MAP2K5: variants seen among roughly 807,000 people sequenced by gnomAD.
The protein encoded by MAP2K5 is dual specificity mitogen-activated protein kinase kinase 5.
In MAP2K5, 49 loss-of-function variants were observed where a neutral mutation model predicts 83.1. That is an observed-to-expected ratio of 0.59 (90% CI 0.47 to 0.75). MAP2K5 has a LOEUF of 0.75. Ranked by LOEUF, MAP2K5 falls within the 30% of genes least tolerant of loss-of-function variation. The probability of loss-of-function intolerance (pLI) is 0.00; values close to 1 mark genes in which losing one functional copy is unlikely to be tolerated. For synonymous variants in MAP2K5, 202 were observed against 191.8 expected (o/e 1.05, Z -0.44); for missense variants, 457 against 557.5 (o/e 0.82, Z 1.82).
At position 67,559,051 on chromosome 15, in the gene MAP2K5, C is replaced by T. The variant is rs2084683790; in HGVS notation, c.185-4232C>T. Among the ~76,000 whole-genome samples, 1 of 152,218 alleles carries T rather than the reference C, an allele frequency of 6.6e-6. No homozygotes were observed. Among genetic ancestry groups the T allele is most frequent in the Non-Finnish European group, 1.5e-5 (1 of 68,032 alleles). The stretch of plus-strand genomic sequence containing the variant: ...GCCATGGAAAGTACGGCCTCTGGTC[C>T]TGCCCACGTCATTAACTCCGTGCCT... On this transcript the variant is annotated intron_variant, in intron 2 of 21. Transcript: ENST00000178640. This position sits in a 1 kb window ranked among gnomAD's most constrained non-coding sequence, Gnocchi z 4.7.
intron 16 of MAP2K5, among the ~76,000 whole-genome samples, chr15:67,727,564 A>G (rs1428943565): frequency 6.6e-6 from 1 of 152,250 alleles, no homozygotes; most frequent in Non-Finnish European, 1.5e-5. Context: ...CCCATTTTAC[A>G]AGACTAAAAG....
chr15:67,604,679 G>A (rs1258066446), intron 8 of MAP2K5, among the ~76,000 whole-genome samples: 3 of 152,140 alleles, frequency 2.0e-5, no homozygotes, highest in East Asian at 1.9e-4. Flanking sequence ...GGTGGATCAC[G>A]AGGTCAAGAG....
chr15:67,784,554 C>T (rs531178528), intron 21 of MAP2K5, among the ~76,000 whole-genome samples: 1 of 152,370 alleles, frequency 6.6e-6, no homozygotes, highest in African/African-American at 2.4e-5. Context: ...TGCACACACT[C>T]TCCACCCATC....
At chr15:67,800,570 A>G (rs2141345673) in intron 21 of MAP2K5, among the ~76,000 whole-genome samples, 1 of 152,344 alleles carries the variant, frequency 6.6e-6, no homozygotes, top group Admixed American at 6.5e-5. Flanking sequence ...GAAATGTTTT[A>G]TTTTACAGTT....
In MAP2K5 at chr15:67,778,096, T is replaced by C. The variant is rs2090269431; in HGVS notation, c.1242+5344T>C. On this transcript the variant is annotated intron_variant, in intron 21 of 21. Transcript: ENST00000178640. The surrounding 1 kb of genome is among the most constrained non-coding windows in gnomAD (Gnocchi z 5.0). ...CAGCTAAGGCTTTATGTATAAGAGG[T>C]GGTAATGTTTGGGGGCTAATAAACA... Among the ~76,000 whole-genome samples, 1 of 152,098 alleles carries C rather than the reference T, an allele frequency of 6.6e-6. No homozygotes were observed. Among genetic ancestry groups the C allele is most frequent in the South Asian group, 2.1e-4 (1 of 4,824 alleles).
intron 9 of MAP2K5, among the ~76,000 whole-genome samples, chr15:67,639,955 TCTCA>T (rs924167800): frequency 1.4e-4 from 22 of 152,338 alleles, no homozygotes; most frequent in African/African-American, 4.3e-4. Flanking sequence ...ATGGTCTATC[TCTCA>T]CTCACTCATT....
intron 8 of MAP2K5, among the ~76,000 whole-genome samples, chr15:67,604,195 A>G (rs2085727762): frequency 6.6e-6 from 1 of 152,220 alleles, no homozygotes; most frequent in Admixed American, 6.5e-5. Context: ...TGTGCTCTAT[A>G]TTATGAGAGT....
At chr15:67,586,955 C>G in intron 6 of MAP2K5, 42 bp downstream of exon 6, 1 of 1,601,728 alleles carries the variant, frequency 6.2e-7, no homozygotes, top group Non-Finnish European at 8.6e-7. Context: ...TGTGATTTAT[C>G]TACAGAGTTG....
At chr15:67,579,426 A>T (rs1388583617) in intron 3 of MAP2K5, among the ~76,000 whole-genome samples, 1 of 152,212 alleles carries the variant, frequency 6.6e-6, no homozygotes, top group Non-Finnish European at 1.5e-5. Flanking sequence ...AAGGAACAGA[A>T]TCTCCTGAAA....
Position 67,801,486 on chromosome 15 carries a change from G to A in MAP2K5, c.1243-5160G>A, listed in dbSNP as rs1349509453. Among the ~76,000 whole-genome samples, 2 of 152,180 alleles carry A rather than the reference G, an allele frequency of 1.3e-5. No individual in the cohort carries two copies. The highest frequency in any genetic ancestry group is 2.9e-5 in the Non-Finnish European group (2 of 68,040). On this transcript the variant is annotated intron_variant, in intron 21 of 21. Coordinates refer to ENST00000178640, the MANE Select transcript of MAP2K5 (RefSeq NM_145160.3). The surrounding 1 kb of genome is among the most constrained non-coding windows in gnomAD (Gnocchi z 4.8). ...CCTGTGGTCCAGAGAGCCACCAAAT[G>A]TCTAGAGCAGCCACAGCTTATGGAG...
intron 16 of MAP2K5, among the ~76,000 whole-genome samples, chr15:67,712,872 C>G (rs1328309662): frequency 6.6e-6 from 1 of 151,456 alleles, no homozygotes; most frequent in Non-Finnish European, 1.5e-5. Context: ...GAGCTGAGAT[C>G]ATGCCATTGC....
At position 67,677,816 on chromosome 15, in the gene MAP2K5, G is replaced by A. The variant is rs954931270; in HGVS notation, c.847+13171G>A. 2.7e-4 allele frequency among the ~76,000 whole-genome samples: 41 copies of A among 152,242 alleles called. No homozygotes were observed. Among genetic ancestry groups the A allele is most frequent in the African/African-American group, 8.9e-4 (37 of 41,550 alleles). On this transcript the variant is annotated intron_variant, in intron 13 of 21. Coordinates refer to ENST00000178640, the MANE Select transcript of MAP2K5 (RefSeq NM_145160.3). This position sits in a 1 kb window ranked among gnomAD's most constrained non-coding sequence, Gnocchi z 4.2. ...AGAATTGAGAAGCTCAGGCCTTTTT[G>A]CCCTTGTTATTAATCTTGTAAGTGT...
chr15:67,673,120 G>T (rs1306486751), intron 13 of MAP2K5, among the ~76,000 whole-genome samples: 2 of 152,068 alleles, frequency 1.3e-5, no homozygotes, highest in African/African-American at 2.4e-5. Context: ...TGTTCTTTTG[G>T]CTTAGGATTG....
At position 67,736,861 on chromosome 15, in the gene MAP2K5, A is replaced by G. The variant is rs796974872; in HGVS notation, c.1074+8916A>G. 6.6e-5 allele frequency among the ~76,000 whole-genome samples: 10 copies of G among 152,242 alleles called. No homozygotes were observed. Among genetic ancestry groups the G allele is most frequent in the African/African-American group, 2.4e-4 (10 of 41,528 alleles). ...CACTTCTCTCCCTTTGCTTTTATTG[A>G]TGCAGTCTGCTACTTTATGGAATCA... On this transcript the variant is annotated intron_variant, in intron 17 of 21. Coordinates refer to ENST00000178640, the MANE Select transcript of MAP2K5 (RefSeq NM_145160.3). The surrounding 1 kb of genome is among the most constrained non-coding windows in gnomAD (Gnocchi z 4.3).
intron 6 of MAP2K5, among the ~76,000 whole-genome samples, chr15:67,592,264 T>G (rs2085432066): frequency 6.6e-6 from 1 of 152,264 alleles, no homozygotes; most frequent in Non-Finnish European, 1.5e-5. Context: ...CAGCTAAAAT[T>G]TATTAATTTT....
intron 19 of MAP2K5, among the ~76,000 whole-genome samples, chr15:67,765,396 T>C (rs1024979725): frequency 2.5e-4 from 38 of 152,122 alleles, no homozygotes; most frequent in Non-Finnish European, 1.2e-4. Context: ...ATATCTATAC[T>C]GTAGATAGAA....
chr15:67,708,569 T>C lies in MAP2K5; in HGVS notation c.1044+5161T>C, dbSNP rs1248879230. 6.6e-6 allele frequency among the ~76,000 whole-genome samples: 1 copy of C among 152,110 alleles called. No homozygotes were observed. The highest frequency in any genetic ancestry group is 1.5e-5 in the Non-Finnish European group (1 of 68,012). Reference sequence around the variant, plus strand: ...GCCTCGAATTCCTGGGGTCAAGTGATCCTCCTGCCTCAGCCTCTTGAGTAG... The same window carrying C: ...GCCTCGAATTCCTGGGGTCAAGTGACCCTCCTGCCTCAGCCTCTTGAGTAG... On this transcript the variant is annotated intron_variant, in intron 16 of 21. Transcript: ENST00000178640. This position sits in a 1 kb window ranked among gnomAD's most constrained non-coding sequence, Gnocchi z 4.9.
chr15:67,610,719 C>A (rs373127117), intron 8 of MAP2K5, among the ~76,000 whole-genome samples: 29 of 152,054 alleles, frequency 1.9e-4, no homozygotes, highest in Admixed American at 1.6e-3. Context: ...TGTACACTAA[C>A]GTTGAATTGG....
chr15:67,640,729 G>A lies in MAP2K5; in HGVS notation c.586-5502G>A. 1 of 267,838 alleles carries A rather than the reference G, an allele frequency of 3.7e-6. No individual in the cohort carries two copies. Among genetic ancestry groups the A allele is most frequent in the Middle Eastern group, 1.9e-3 (1 of 520 alleles). 16.6% of individuals were successfully genotyped at this position (267,838 alleles called of 1,614,324 possible). A position where few individuals can be genotyped will look rare whatever the true frequency, so the allele number is the denominator to read the frequency against. On this transcript the variant is annotated intron_variant, in intron 9 of 21. Transcript: ENST00000178640. This position sits in a 1 kb window ranked among gnomAD's most constrained non-coding sequence, Gnocchi z 4.6. ...TGTTTCTCATGTTATGCTTCTAAAT[G>A]TTCTTATTTTTTAGACAAAAAAGCA...
Sources: allele counts gnomAD v4.1 joint callset (sites outside exome capture counted in the v4.1 genomes callset), GRCh38; gene constraint gnomAD v4.1.1; non-coding constraint Gnocchi (gnomAD v3.1); transcripts MANE v1.5; gene names NCBI Gene and HGNC (gene_info 2026-07-23, HGNC 2026-07-21).